RHOQ: variants seen among roughly 807,000 people sequenced by gnomAD.
RHOQ encodes ras homolog family member Q, also known as rho-related GTP-binding protein RhoQ.
Under a neutral mutation model 25.8 loss-of-function variants are expected in RHOQ, and 7 were observed. That is an observed-to-expected ratio of 0.27 (90% CI 0.15 to 0.51). The LOEUF (loss-of-function observed/expected upper bound fraction) is 0.51. Ranked by LOEUF, RHOQ falls within the 20% of genes least tolerant of loss-of-function variation. RHOQ has a pLI of 0.97. For missense variants in RHOQ, 165 were observed against 260.6 expected, an observed-to-expected ratio of 0.63 and a Z score of 2.53; for synonymous variants, 97 against 98.6, an observed-to-expected ratio of 0.98 and a Z score of 0.10.
chr2:46,576,269 T>A lies in RHOQ; in HGVS notation c.366+18T>A. The A allele has an allele frequency of 6.3e-7, 1 of 1,597,836 alleles. No individual in the cohort carries two copies. Among genetic ancestry groups the A allele is most frequent in the Non-Finnish European group, 8.5e-7 (1 of 1,170,844 alleles). ...GAACTCAGGTATGTCTGGTTTGATT[T>A]TCTGCATTTTAGAATAAGCTCTTTG... On this transcript the variant is annotated intron_variant, in intron 3 of 4. Coordinates refer to ENST00000238738, the MANE Select transcript of RHOQ (RefSeq NM_012249.4). This position sits in a 1 kb window ranked among gnomAD's most constrained non-coding sequence, Gnocchi z 5.1.
At chr2:46,557,806 A>T (rs1668450753) in intron 2 of RHOQ, among the ~76,000 whole-genome samples, 1 of 152,224 alleles carries the variant, frequency 6.6e-6, no homozygotes, top group East Asian at 1.9e-4. Flanking sequence ...GATAACAAAT[A>T]TTCTCTGTTG....
Position 46,576,909 on chromosome 2 carries a change from C to A in RHOQ, c.462+253C>A. 3.0e-6 allele frequency: 1 copy of A among 329,540 alleles called. No homozygotes were observed. The highest frequency in any genetic ancestry group is 5.5e-6 in the Non-Finnish European group (1 of 181,050). 20.4% of individuals were successfully genotyped at this position (329,540 alleles called of 1,614,324 possible). Reference sequence around the variant, plus strand: ...TAAATGGCAGAGTTGGGTTTCAGTCCAAAGCCTGACTCCTGGGCCGAGACT... The same window carrying A: ...TAAATGGCAGAGTTGGGTTTCAGTCAAAAGCCTGACTCCTGGGCCGAGACT... On this transcript the variant is annotated intron_variant, in intron 4 of 4. Transcript: ENST00000238738. This position sits in a 1 kb window ranked among gnomAD's most constrained non-coding sequence, Gnocchi z 5.1.
rs572504379 is a variant in RHOQ at position 46,563,414 on chromosome 2, G to C, written c.202-12673G>C. Among the ~76,000 whole-genome samples, 129 of 152,346 alleles carry C rather than the reference G, an allele frequency of 8.5e-4. 1 individual carries two copies. Among genetic ancestry groups the C allele is most frequent in the African/African-American group, 3.0e-3 (124 of 41,582 alleles). On this transcript the variant is annotated intron_variant, in intron 2 of 4. Coordinates refer to ENST00000238738, the MANE Select transcript of RHOQ (RefSeq NM_012249.4). ...AGCAGGCACTCTTCTGGGCTGTAAA[G>C]TTACATAGGCTGTAGTAATGTCATG... is the stretch of plus-strand genomic sequence containing the variant.
chr2:46,578,898 G>A (rs1367783708), intron 4 of RHOQ, among the ~76,000 whole-genome samples: 1 of 52,552 alleles, frequency 1.9e-5, no homozygotes, highest in Non-Finnish European at 3.7e-5. Context: ...TTTCACTCGT[G>A]TGTGTGTGTG....
At chr2:46,546,927 G>T (rs1055040552) in intron 2 of RHOQ, among the ~76,000 whole-genome samples, 1 of 152,110 alleles carries the variant, frequency 6.6e-6, no homozygotes, top group Non-Finnish European at 1.5e-5. Context: ...ACAGCTTTGC[G>T]CATTGTAATT....
chr2:46,543,208 A>C lies in RHOQ; in HGVS notation c.142+20A>C, dbSNP rs764267358. Reference sequence around the variant, plus strand: ...ACGCAGGTAAGCCTCGGAACTGCTGACTAAGGGGCCGCTCCCCGGGCCGGG... The same window carrying C: ...ACGCAGGTAAGCCTCGGAACTGCTGCCTAAGGGGCCGCTCCCCGGGCCGGG... On this transcript the variant is annotated intron_variant, in intron 1 of 4. Transcript: ENST00000238738. The C allele has an allele frequency of 2.5e-6, 4 of 1,610,058 alleles. No individual in the cohort carries two copies. The highest frequency in any genetic ancestry group is 3.4e-6 in the Non-Finnish European group (4 of 1,178,442).
intron 2 of RHOQ, among the ~76,000 whole-genome samples, chr2:46,567,615 C>G (rs987939731): frequency 2.6e-5 from 4 of 152,102 alleles, no homozygotes; most frequent in Non-Finnish European, 4.4e-5. Context: ...TGGTCTTGAA[C>G]TCCTGGACTC....
At chr2:46,558,771 T>A (rs1012008102) in intron 2 of RHOQ, among the ~76,000 whole-genome samples, 1 of 152,238 alleles carries the variant, frequency 6.6e-6, no homozygotes, top group Non-Finnish European at 1.5e-5. Flanking sequence ...GCTGGAATGA[T>A]CCTCTAATTA....
At chr2:46,574,328 T>C (rs752824393) in intron 2 of RHOQ, among the ~76,000 whole-genome samples, 14 of 146,934 alleles carry the variant, frequency 9.5e-5, no homozygotes, top group Non-Finnish European at 1.9e-4. Context: ...TAAGATGACA[T>C]ACTGTTTCTT....
rs959082616 is a variant in RHOQ, at chr2:46,542,587, G to C, written c.-460G>C. 1 of 146,870 alleles carries C rather than the reference G, an allele frequency of 6.8e-6. No homozygotes were observed. Among genetic ancestry groups the C allele is most frequent in the Non-Finnish European group, 1.5e-5 (1 of 66,046 alleles). The allele number at this position is 146,870 out of a possible 1,614,324, so 9.1% of individuals were successfully genotyped here. A position where few individuals can be genotyped will look rare whatever the true frequency, so the allele number is the denominator to read the frequency against. ...GGCAGCAGGCGGGGGCGCGTGGCGC[G>C]GGCCGCGCTCGGGGAGGCGCCTGGG... On this transcript the variant is annotated 5_prime_UTR_variant, in exon 1 of 5. Coordinates refer to ENST00000238738, the MANE Select transcript of RHOQ (RefSeq NM_012249.4).
chr2:46,553,786 C>A (rs1223797719), intron 2 of RHOQ, among the ~76,000 whole-genome samples: 1 of 152,094 alleles, frequency 6.6e-6, no homozygotes, highest in African/African-American at 2.4e-5. Flanking sequence ...ACCATATTGG[C>A]CAGGCTGGTC....
Position 46,561,373 on chromosome 2 carries a change from A to C in RHOQ, c.202-14714A>C, listed in dbSNP as rs1244962144. Among the ~76,000 whole-genome samples, 3 of 152,180 alleles carry C rather than the reference A, an allele frequency of 2.0e-5. No individual in the cohort carries two copies. In the East Asian group the frequency reaches 5.8e-4, roughly 29 times the overall value. On this transcript the variant is annotated intron_variant, in intron 2 of 4. Transcript: ENST00000238738. ...GTATTCCAGGCCAAGAAAAGAGCAC[A>C]GAAAGAGTCATGTGGGAGAAGCTGG...
chr2:46,572,107 G>GTTTTTTTTTTTTTTT (rs746265771), intron 2 of RHOQ, among the ~76,000 whole-genome samples: 3 of 66,258 alleles, frequency 4.5e-5, no homozygotes, highest in African/African-American at 2.5e-4. Context: ...GTAAGTGTGT[G>GTTTTTTTTTTTTTTT]TTTTTTTTTT....
At chr2:46,570,615 G>A (rs1017065463) in intron 2 of RHOQ, among the ~76,000 whole-genome samples, 1 of 152,124 alleles carries the variant, frequency 6.6e-6, no homozygotes, top group Non-Finnish European at 1.5e-5. Context: ...AAGGGTGGAG[G>A]GTTTCAAGAG....
chr2:46,550,803 C>T (rs7568909), intron 2 of RHOQ, among the ~76,000 whole-genome samples: 121,350 of 152,124 alleles, frequency 0.8, 49,022 homozygotes, highest in African/African-American at 0.92. Context: ...CAGGCTAGCT[C>T]TGGGGGCTTC....
intron 2 of RHOQ, among the ~76,000 whole-genome samples, chr2:46,564,350 G>C (rs1198509679): frequency 6.6e-6 from 1 of 152,098 alleles, no homozygotes; most frequent in Non-Finnish European, 1.5e-5. Context: ...CAATCCAGTG[G>C]CATTTAGTAC....
chr2:46,574,548 G>C (rs1009828121), intron 2 of RHOQ, among the ~76,000 whole-genome samples: 2 of 151,958 alleles, frequency 1.3e-5, no homozygotes, highest in African/African-American at 4.8e-5. Flanking sequence ...TTAACACCAG[G>C]GCACTGCTTT....
chr2:46,561,915 G>C (rs112831466), intron 2 of RHOQ, among the ~76,000 whole-genome samples: 86 of 152,310 alleles, frequency 5.6e-4, no homozygotes, highest in African/African-American at 2.0e-3. Context: ...TGGACCTCGG[G>C]CCAGGCCCTC....
chr2:46,556,476 A>C lies in RHOQ; in HGVS notation c.201+12664A>C, dbSNP rs1668413920. 8.0e-6 allele frequency among the ~76,000 whole-genome samples: 1 copy of C among 125,390 alleles called. No individual in the cohort carries two copies. Among genetic ancestry groups the C allele is most frequent in the South Asian group, 2.5e-4 (1 of 4,012 alleles). The allele number at this position is 125,390 out of a possible 152,430, so 82.3% of individuals were successfully genotyped here. Reference sequence around the variant, plus strand: ...CCCTTCTGATATTCTTTTTCTTAAAAAATTTTTTTAATTTTTTTTTTTTTG... The same window carrying C: ...CCCTTCTGATATTCTTTTTCTTAAACAATTTTTTTAATTTTTTTTTTTTTG... On this transcript the variant is annotated intron_variant, in intron 2 of 4. Coordinates refer to ENST00000238738, the MANE Select transcript of RHOQ (RefSeq NM_012249.4). This position sits in a 1 kb window ranked among gnomAD's most constrained non-coding sequence, Gnocchi z 4.9.
Sources: gnomAD v4.1 joint callset for allele counts (sites outside exome capture counted in the v4.1 genomes callset) on GRCh38, gnomAD v4.1.1 for gene constraint, Gnocchi (gnomAD v3.1) non-coding constraint, MANE v1.5 for transcripts, NCBI Gene and HGNC (gene_info 2026-07-23, HGNC 2026-07-21) for gene names.